ATP2B4: variants seen among roughly 807,000 people sequenced by gnomAD.
The protein encoded by ATP2B4 is ATPase plasma membrane Ca2+ transporting 4.
ATP2B4 carries 39 observed loss-of-function variants against 110.3 expected under a neutral mutation model. The ratio of observed to expected loss-of-function variants is 0.35; its 90% CI spans 0.27 to 0.46. ATP2B4 has a LOEUF of 0.46. Among genes scored for constraint, ATP2B4 ranks in the 20% least tolerant of loss-of-function variants. The pLI is 1.00. For missense variants in ATP2B4, 1,135 were observed against 1,530.9 expected, an observed-to-expected ratio of 0.74 and a Z score of 4.32; for synonymous variants, 538 against 571.7, an observed-to-expected ratio of 0.94 and a Z score of 0.84.
chr1:203,703,511 G>C (rs1346582663), intron 7 of ATP2B4, 141 bp from the exon 8 acceptor site: 1 of 874,308 alleles, frequency 1.1e-6, no homozygotes, highest in Non-Finnish European at 1.8e-6. Context: ...GTCTAGCATG[G>C]GTTGGAAGTG....
chr1:203,637,253 A>G lies in ATP2B4; in HGVS notation c.-465+10034A>G, dbSNP rs575021041. ...GAAACCATCCTGGCTAACACGGTGA[A>G]GCCCCGTCTCTACTAAAAATAGAAA... is the stretch of plus-strand genomic sequence containing the variant. On this transcript the variant is annotated intron_variant, in intron 1 of 20. Coordinates refer to ENST00000357681, the MANE Select transcript of ATP2B4 (RefSeq NM_001684.5). 2.9e-3 allele frequency among the ~76,000 whole-genome samples: 436 copies of G among 152,236 alleles called. 2 individuals carry two copies. The highest frequency in any genetic ancestry group is 0.01 in the African/African-American group (419 of 41,536).
chr1:203,703,926 G>T, intron 8 of ATP2B4, 113 bp downstream of exon 8: 2 of 1,385,214 alleles, frequency 1.4e-6, no homozygotes. Flanking sequence ...TGAAACTTCA[G>T]GGTGGCTAGT....
intron 1 of ATP2B4, among the ~76,000 whole-genome samples, chr1:203,661,847 A>T (rs754417865): frequency 2.0e-4 from 30 of 151,394 alleles, no homozygotes; most frequent in Non-Finnish European, 4.0e-4. Context: ...ACCACAATGG[A>T]TCTGAACTCT....
chr1:203,719,568 G>A (rs1287682285), intron 15 of ATP2B4, among the ~76,000 whole-genome samples: 4 of 151,534 alleles, frequency 2.6e-5, no homozygotes, highest in Admixed American at 6.6e-5. Context: ...AAATTAGCCC[G>A]TCATGGTGGT....
chr1:203,659,095 T>C (rs1664256461), intron 1 of ATP2B4, among the ~76,000 whole-genome samples: 1 of 152,188 alleles, frequency 6.6e-6, no homozygotes, highest in Non-Finnish European at 1.5e-5. Flanking sequence ...AAGATATTGC[T>C]TATTAGAAGT....
At chr1:203,716,919 G>A (rs1398312173) in intron 15 of ATP2B4, among the ~76,000 whole-genome samples, 1 of 144,366 alleles carries the variant, frequency 6.9e-6, no homozygotes, top group African/African-American at 2.5e-5. Flanking sequence ...AGAGATTCCC[G>A]GCCGGGCGTA....
chr1:203,631,751 C>T (rs1449253267), intron 1 of ATP2B4, among the ~76,000 whole-genome samples: 1 of 152,164 alleles, frequency 6.6e-6, no homozygotes, highest in African/African-American at 2.4e-5. Flanking sequence ...AGAAGGTGCT[C>T]ATTCACAAAT....
At chr1:203,638,528 G>C (rs1230276960) in intron 1 of ATP2B4, among the ~76,000 whole-genome samples, 1 of 152,120 alleles carries the variant, frequency 6.6e-6, no homozygotes, top group Non-Finnish European at 1.5e-5. Context: ...CTTGTCACCA[G>C]GCTCATTTTA....
At chr1:203,649,513 C>T (rs1321386851) in intron 1 of ATP2B4, among the ~76,000 whole-genome samples, 2 of 152,274 alleles carry the variant, frequency 1.3e-5, no homozygotes, top group Admixed American at 6.5e-5. Flanking sequence ...CGTAGTGGTT[C>T]ACGCCTATAA....
chr1:203,739,541 T>C lies in ATP2B4; in HGVS notation c.3310-5T>C. The C allele has an allele frequency of 6.2e-7, 1 of 1,612,068 alleles. No individual in the cohort carries two copies. Reference sequence around the variant, plus strand: ...CTCATCCTCCTTTTCCTTCCCCTGGTATAGATCAAAGTGGTCAAAGCGTTC... The same window carrying C: ...CTCATCCTCCTTTTCCTTCCCCTGGCATAGATCAAAGTGGTCAAAGCGTTC... On this transcript the variant is annotated splice_region_variant and splice_polypyrimidine_tract_variant and intron_variant, in intron 20 of 20. Coordinates refer to ENST00000357681, the MANE Select transcript of ATP2B4 (RefSeq NM_001684.5).
intron 15 of ATP2B4, among the ~76,000 whole-genome samples, chr1:203,716,821 A>G (rs958626769): frequency 3.4e-5 from 5 of 145,452 alleles, no homozygotes; most frequent in African/African-American, 1.3e-4. Context: ...TCTAGAAGTT[A>G]TCAGATTCTA....
At position 203,670,838 on chromosome 1, in the gene ATP2B4, C is replaced by T. The variant is rs1016162291; in HGVS notation, c.-464-11904C>T. Among the ~76,000 whole-genome samples the T allele has an allele frequency of 7.9e-5, 12 of 152,210 alleles. No homozygotes were observed. The East Asian group carries it at 1.9e-3, about 24-fold the overall frequency. ...CAGAAGGGTGCTTCCCTGATGGGAGCATCAGTGTCTTCCCCCTTCTCCTGC... is the reference window on the plus strand; with the variant it reads ...CAGAAGGGTGCTTCCCTGATGGGAGTATCAGTGTCTTCCCCCTTCTCCTGC... On this transcript the variant is annotated intron_variant, in intron 1 of 20. Transcript: ENST00000357681.
At chr1:203,633,570 C>T (rs1016177122) in intron 1 of ATP2B4, among the ~76,000 whole-genome samples, 1 of 152,094 alleles carries the variant, frequency 6.6e-6, no homozygotes, top group Non-Finnish European at 1.5e-5. Context: ...TTGAGACCAG[C>T]CTGGCCAACA....
intron 10 of ATP2B4, 114 bp downstream of exon 10, chr1:203,708,218 C>T (rs1665906613): frequency 4.2e-6 from 6 of 1,434,578 alleles, no homozygotes; most frequent in Middle Eastern, 1.8e-4. Context: ...TCCCACATCC[C>T]ATTTCTCACG....
chr1:203,702,190 C>T, intron 7 of ATP2B4, 111 bp downstream of exon 7: 1 of 1,399,346 alleles, frequency 7.1e-7, no homozygotes, highest in East Asian at 2.4e-5. Flanking sequence ...TTATCTGCTG[C>T]TGTGGCTCAG....
intron 7 of ATP2B4, among the ~76,000 whole-genome samples, chr1:203,702,976 T>A (rs902987475): frequency 1.3e-5 from 2 of 152,222 alleles, no homozygotes; most frequent in Non-Finnish European, 2.9e-5. Context: ...CTGCTTTCTC[T>A]TATTCCAGGA....
intron 18 of ATP2B4, among the ~76,000 whole-genome samples, chr1:203,723,063 C>G (rs982060593): frequency 1.3e-5 from 2 of 152,096 alleles, no homozygotes; most frequent in African/African-American, 4.8e-5. Flanking sequence ...TATAGACTCT[C>G]CCTGTCCCTG....
chr1:203,717,607 TA>T (rs1666195237), intron 15 of ATP2B4, among the ~76,000 whole-genome samples: 1 of 150,074 alleles, frequency 6.7e-6, no homozygotes, highest in African/African-American at 2.5e-5. Flanking sequence ...TGCTTCATTT[TA>T]ATGTGAAATG....
At chr1:203,724,870 T>G (rs955806275) in intron 19 of ATP2B4, among the ~76,000 whole-genome samples, 4 of 138,048 alleles carry the variant, frequency 2.9e-5, no homozygotes, top group Admixed American at 7.3e-5. Context: ...GCTCTCTGTT[T>G]TTTTTTTTTT....
Sources: allele counts gnomAD v4.1 joint callset (sites outside exome capture counted in the v4.1 genomes callset), GRCh38; gene constraint gnomAD v4.1.1; transcripts MANE v1.5; gene names NCBI Gene and HGNC (gene_info 2026-07-23, HGNC 2026-07-21).